Variants in DNM3 observed in about 807,000 individuals in gnomAD.
DNM3 encodes dynamin 3, also known as dynamin-3.
In DNM3, 47 loss-of-function variants were observed where a neutral mutation model predicts 101.6. The observed-to-expected ratio is 0.46, with a 90% CI of 0.37 to 0.59. The LOEUF (loss-of-function observed/expected upper bound fraction) is 0.59, where lower values mean the gene tolerates loss of function less well. Among genes scored for constraint, DNM3 ranks in the 20% least tolerant of loss-of-function variants. The pLI, the probability that DNM3 is intolerant of heterozygous loss-of-function variation, is 0.00. For missense variants in DNM3, 849 were observed against 1,085.7 expected, an observed-to-expected ratio of 0.78 and a Z score of 3.06; for synonymous variants, 385 against 387.9, an observed-to-expected ratio of 0.99 and a Z score of 0.09.
At chr1:172,136,331 A>G (rs191122628) in intron 14 of DNM3, among the ~76,000 whole-genome samples, 1 of 152,326 alleles carries the variant, frequency 6.6e-6, no homozygotes, top group East Asian at 1.9e-4. Context: ...TGTGAGATCA[A>G]GAAGTTATAG....
intron 14 of DNM3, among the ~76,000 whole-genome samples, chr1:172,159,201 GGAGAAAAAAGCCGTC>G (rs1264306966): frequency 6.6e-6 from 1 of 151,892 alleles, no homozygotes; most frequent in Non-Finnish European, 1.5e-5. Flanking sequence ...AGTTATGGTT[GGAGAAAAAAGCCGTC>G]TATGGAAAAG....
intron 1 of DNM3, among the ~76,000 whole-genome samples, chr1:171,872,699 G>A (rs575273992): frequency 6.6e-6 from 1 of 152,072 alleles, no homozygotes; most frequent in South Asian, 2.1e-4. Context: ...GTCCCTATCT[G>A]TAGGTAAGAG....
chr1:172,114,060 T>C (rs1046120950), intron 13 of DNM3, among the ~76,000 whole-genome samples: 4 of 152,014 alleles, frequency 2.6e-5, no homozygotes, highest in African/African-American at 4.8e-5. Flanking sequence ...AGATAGAAAA[T>C]GAACAACAAA....
intron 4 of DNM3, among the ~76,000 whole-genome samples, chr1:172,010,012 A>C (rs1224715293): frequency 6.6e-6 from 1 of 151,810 alleles, no homozygotes; most frequent in East Asian, 1.9e-4. Context: ...GTGCTTTTTA[A>C]AAATGAAACT....
intron 14 of DNM3, among the ~76,000 whole-genome samples, chr1:172,208,449 C>T (rs960621105): frequency 3.3e-5 from 5 of 151,990 alleles, no homozygotes; most frequent in African/African-American, 1.2e-4. Flanking sequence ...CAGGTTTACC[C>T]TCCATAATGT....
At chr1:172,264,391 T>G (rs1451919276) in intron 15 of DNM3, among the ~76,000 whole-genome samples, 1 of 152,246 alleles carries the variant, frequency 6.6e-6, no homozygotes, top group African/African-American at 2.4e-5. Flanking sequence ...ATGCTTAGCA[T>G]GATTCTATCA....
intron 14 of DNM3, among the ~76,000 whole-genome samples, chr1:172,134,268 G>T (rs2057101213): frequency 6.6e-6 from 1 of 152,252 alleles, no homozygotes; most frequent in Middle Eastern, 3.4e-3. Flanking sequence ...AAGACAGGAA[G>T]TTCTCATCAT....
chr1:172,299,726 T>C (rs2064346766), intron 15 of DNM3, among the ~76,000 whole-genome samples: 1 of 152,226 alleles, frequency 6.6e-6, no homozygotes. Flanking sequence ...GTTCTTTTTA[T>C]GGGCTGCATA....
chr1:172,094,122 A>G (rs545203634), intron 13 of DNM3, among the ~76,000 whole-genome samples: 112 of 152,128 alleles, frequency 7.4e-4, no homozygotes, highest in Non-Finnish European at 4.4e-4. Flanking sequence ...AATATTTCCA[A>G]TAAATGTAGA....
At chr1:171,843,885 AT>A (rs2031659502) in intron 1 of DNM3, among the ~76,000 whole-genome samples, 1 of 152,238 alleles carries the variant, frequency 6.6e-6, no homozygotes, top group Non-Finnish European at 1.5e-5. Context: ...ACCAGAATGC[AT>A]TAGTAATTTG....
In DNM3 at chr1:171,841,564, C is replaced by T; in HGVS notation, c.-93C>T. 6.8e-7 allele frequency: 1 copy of T among 1,476,816 alleles called. No individual in the cohort carries two copies. The highest frequency in any genetic ancestry group is 2.4e-5 in the Admixed American group (1 of 41,318). 91.5% of individuals were successfully genotyped at this position (1,476,816 alleles called of 1,614,324 possible). ...CCAGGACCTGGCTGGCTGAGCCCGG[C>T]GCAGCAGCAGCAGCCAGGGCAGCGC... On this transcript the variant is annotated 5_prime_UTR_variant, in exon 1 of 21. Transcript: ENST00000627582.
Position 172,166,429 on chromosome 1 carries a change from C to T in DNM3, c.1659+35141C>T, listed in dbSNP as rs758434615. ...ATATGCTGTAATATGAATACATTTG[C>T]CATCATAGTGATCACATCATATATA... On this transcript the variant is annotated intron_variant, in intron 14 of 20. Transcript: ENST00000627582. 3.3e-5 allele frequency among the ~76,000 whole-genome samples: 5 copies of T among 152,058 alleles called. No homozygotes were observed. In the East Asian group the frequency reaches 9.7e-4, roughly 29 times the overall value.
At chr1:172,257,034 TAATA>T (rs776598185) in intron 15 of DNM3, among the ~76,000 whole-genome samples, 15 of 152,170 alleles carry the variant, frequency 9.9e-5, no homozygotes, top group Non-Finnish European at 1.8e-4. Context: ...TACATGATGT[TAATA>T]AATATTTCAC....
intron 2 of DNM3, among the ~76,000 whole-genome samples, chr1:171,964,355 C>T (rs1163357730): frequency 6.6e-6 from 1 of 152,152 alleles, no homozygotes; most frequent in Non-Finnish European, 1.5e-5. Context: ...CTTATCATAA[C>T]CCAGAAACTC....
At chr1:172,106,857 T>C (rs926250642) in intron 13 of DNM3, among the ~76,000 whole-genome samples, 5 of 111,754 alleles carry the variant, frequency 4.5e-5, no homozygotes, top group African/African-American at 1.9e-4. Context: ...CTTTTTTTTT[T>C]TTTTTTTTTT....
At chr1:172,134,645 A>G (rs1011652482) in intron 14 of DNM3, among the ~76,000 whole-genome samples, 5 of 152,192 alleles carry the variant, frequency 3.3e-5, no homozygotes, top group Non-Finnish European at 7.4e-5. Flanking sequence ...CATGGTACCT[A>G]TTCTTATGAA....
chr1:172,000,523 A>T, intron 4 of DNM3, among the ~76,000 whole-genome samples: 1 of 152,138 alleles, frequency 6.6e-6, no homozygotes, highest in East Asian at 1.9e-4. Flanking sequence ...GAGAAGCTGC[A>T]TCCATTCAGT....
chr1:171,850,042 A>G (rs1445548029), intron 1 of DNM3, among the ~76,000 whole-genome samples: 1 of 152,212 alleles, frequency 6.6e-6, no homozygotes, highest in Non-Finnish European at 1.5e-5. Flanking sequence ...GTTAGATGAA[A>G]TTGCAGGCAA....
intron 4 of DNM3, among the ~76,000 whole-genome samples, chr1:172,005,409 T>C (rs2046621901): frequency 6.6e-6 from 1 of 152,104 alleles, no homozygotes; most frequent in Non-Finnish European, 1.5e-5. Context: ...AAACCAATAG[T>C]TTTAGCAGTT....
Sources: gnomAD v4.1 joint callset for allele counts (sites outside exome capture counted in the v4.1 genomes callset) on GRCh38, gnomAD v4.1.1 for gene constraint, MANE v1.5 for transcripts, NCBI Gene and HGNC (gene_info 2026-07-23, HGNC 2026-07-21) for gene names.